Variants in NDRG3 observed in about 807,000 individuals in gnomAD.
NDRG3 encodes protein NDRG3.
In NDRG3, 23 loss-of-function variants were observed where a neutral mutation model predicts 57.2. The observed-to-expected ratio is 0.40, with a 90% confidence interval of 0.29 to 0.57. The LOEUF (loss-of-function observed/expected upper bound fraction) is 0.57. Ranked by LOEUF, NDRG3 falls within the 20% of genes least tolerant of loss-of-function variation. The pLI, the probability that NDRG3 is intolerant of heterozygous loss-of-function variation, is 0.42. For synonymous variants in NDRG3, 132 were observed against 162.6 expected (o/e 0.81, Z 1.43); for missense variants, 384 against 457.3 (o/e 0.84, Z 1.46).
chr20:36,653,291 T>TCAGCTAA lies in NDRG3; in HGVS notation c.*222_*228dup, dbSNP rs1447536798. The TCAGCTAA allele has an allele frequency of 1.9e-5, 9 of 471,354 alleles. No individual in the cohort carries two copies. Among genetic ancestry groups the TCAGCTAA allele is most frequent in the African/African-American group, 1.7e-4 (9 of 51,652 alleles). 29.2% of individuals were successfully genotyped at this position (471,354 alleles called of 1,614,324 possible). On this transcript the variant is annotated 3_prime_UTR_variant, in exon 16 of 16. Transcript: ENST00000349004. The surrounding 1 kb of genome is among the most constrained non-coding windows in gnomAD (Gnocchi z 4.2). Reference sequence around the variant, plus strand: ...CAAGAGAGGATATGGAGAGATCTGATCAGCTAAAGATGTTGGAATGTTACA... The same window carrying TCAGCTAA: ...CAAGAGAGGATATGGAGAGATCTGATCAGCTAACAGCTAAAGATGTTGGAATGTTACA...
chr20:36,725,250 T>C (rs573188453), intron 1 of NDRG3, among the ~76,000 whole-genome samples: 2 of 151,656 alleles, frequency 1.3e-5, no homozygotes, highest in Non-Finnish European at 2.9e-5. Context: ...TAAGCTGAGA[T>C]TGCGCCACCG....
chr20:36,727,566 G>A (rs546239950), intron 1 of NDRG3, among the ~76,000 whole-genome samples: 27 of 137,180 alleles, frequency 2.0e-4, no homozygotes, highest in Non-Finnish European at 3.6e-4. Flanking sequence ...TTTTTGAGAC[G>A]GAGTCTCGCT....
intron 9 of NDRG3, among the ~76,000 whole-genome samples, chr20:36,668,252 C>T (rs1236291998): frequency 1.3e-5 from 2 of 152,102 alleles, no homozygotes; most frequent in African/African-American, 4.8e-5. Flanking sequence ...AACAAACAAA[C>T]AAATAAACAG....
At chr20:36,739,718 C>T (rs762016232) in intron 1 of NDRG3, among the ~76,000 whole-genome samples, 43 of 151,638 alleles carry the variant, frequency 2.8e-4, no homozygotes, top group Admixed American at 2.2e-3. Context: ...GTCAGGAGAT[C>T]GAGACCATGG....
rs1484101018 is a variant in NDRG3, at chr20:36,652,885, G to A, written c.*635C>T. 6.6e-6 allele frequency: 1 copy of A among 152,248 alleles called. No individual in the cohort carries two copies. Among genetic ancestry groups the A allele is most frequent in the Non-Finnish European group, 1.5e-5 (1 of 68,040 alleles). The allele number at this position is 152,248 out of a possible 1,614,324, so 9.4% of individuals were successfully genotyped here. The stretch of plus-strand genomic sequence containing the variant: ...TATACAGAAATTCATTTGGACAGAA[G>A]GAGCCTCTCTATGTAACAGGCACCC... On this transcript the variant is annotated 3_prime_UTR_variant, in exon 16 of 16. Coordinates refer to ENST00000349004, the MANE Select transcript of NDRG3 (RefSeq NM_032013.4).
At chr20:36,668,520 C>T (rs1158191033) in intron 9 of NDRG3, 2 of 152,090 alleles carry the variant, frequency 1.3e-5, no homozygotes, top group Non-Finnish European at 2.9e-5. Context: ...CATTAACTTG[C>T]TTACATGTTT....
intron 2 of NDRG3, among the ~76,000 whole-genome samples, chr20:36,715,134 T>C (rs889782891): frequency 6.7e-6 from 1 of 148,482 alleles, no homozygotes; most frequent in African/African-American, 2.5e-5. Context: ...TATAAAGAGG[T>C]TGGATACTTG....
intron 12 of NDRG3, among the ~76,000 whole-genome samples, chr20:36,663,393 T>C (rs1252953192): frequency 1.3e-5 from 2 of 152,242 alleles, no homozygotes; most frequent in Non-Finnish European, 2.9e-5. Context: ...TACTCCATAA[T>C]GTTTTGCTCT....
intron 2 of NDRG3, among the ~76,000 whole-genome samples, chr20:36,711,779 T>C (rs566069589): frequency 4.6e-5 from 7 of 152,344 alleles, no homozygotes; most frequent in Admixed American, 2.0e-4. Flanking sequence ...TAGCACTTGT[T>C]TTCCTGGCTG....
chr20:36,673,835 T>G (rs1315944079), intron 8 of NDRG3, among the ~76,000 whole-genome samples: 1 of 152,098 alleles, frequency 6.6e-6, no homozygotes, highest in African/African-American at 2.4e-5. Context: ...CCGGGCGCAG[T>G]AGCTCACACC....
intron 2 of NDRG3, among the ~76,000 whole-genome samples, chr20:36,715,050 ATATATT>A (rs1422219955): frequency 7.2e-5 from 8 of 110,946 alleles, no homozygotes; most frequent in African/African-American, 2.0e-4. Flanking sequence ...ATATATATAT[ATATATT>A]ATATTTAAGT....
intron 3 of NDRG3, among the ~76,000 whole-genome samples, chr20:36,706,734 C>G (rs1983569395): frequency 1.3e-5 from 2 of 152,124 alleles, no homozygotes; most frequent in South Asian, 4.1e-4. Context: ...AACTCCTGAC[C>G]TCAAGTGATC....
intron 1 of NDRG3, among the ~76,000 whole-genome samples, chr20:36,731,538 T>TG (rs1985282802): frequency 6.6e-6 from 1 of 152,136 alleles, no homozygotes; most frequent in African/African-American, 2.4e-5. Context: ...CCAGGCGCGA[T>TG]GGGTCACACC....
At chr20:36,656,611 C>A in intron 13 of NDRG3, 79 bp from the exon 14 acceptor site, 1 of 1,503,164 alleles carries the variant, frequency 6.7e-7, no homozygotes, top group Non-Finnish European at 9.2e-7. Flanking sequence ...TCCTTTCAAA[C>A]AGAACAAGAT....
intron 8 of NDRG3, 138 bp from the exon 9 acceptor site, chr20:36,671,535 G>A: frequency 1.6e-6 from 1 of 627,108 alleles, no homozygotes; most frequent in Middle Eastern, 4.6e-4. Context: ...AGGTGCGATG[G>A]CTCACGCCTA....
At chr20:36,721,078 A>G (rs986808734) in intron 2 of NDRG3, among the ~76,000 whole-genome samples, 4 of 150,402 alleles carry the variant, frequency 2.7e-5, no homozygotes, top group African/African-American at 9.8e-5. Flanking sequence ...GCCCAGCCCC[A>G]CCCTCATGCT....
At chr20:36,734,291 G>A (rs936032530) in intron 1 of NDRG3, among the ~76,000 whole-genome samples, 67 of 151,898 alleles carry the variant, frequency 4.4e-4, no homozygotes, top group African/African-American at 1.5e-3. Context: ...CAGGTCTTCC[G>A]ATCCCAAATG....
intron 8 of NDRG3, among the ~76,000 whole-genome samples, chr20:36,671,947 T>TA (rs1260557799): frequency 6.6e-6 from 1 of 152,210 alleles, no homozygotes; most frequent in Non-Finnish European, 1.5e-5. Flanking sequence ...AATAGGGGAC[T>TA]GGAAGGACAA....
chr20:36,700,106 T>G (rs1354298610), intron 3 of NDRG3, among the ~76,000 whole-genome samples: 1 of 114,076 alleles, frequency 8.8e-6, no homozygotes, highest in Non-Finnish European at 1.7e-5. Flanking sequence ...AGAGTGACAA[T>G]CAGTCTCAAA....
Sources: allele counts gnomAD v4.1 joint callset (sites outside exome capture counted in the v4.1 genomes callset), GRCh38; gene constraint gnomAD v4.1.1; non-coding constraint Gnocchi (gnomAD v3.1); transcripts MANE v1.5; gene names NCBI Gene and HGNC (gene_info 2026-07-23, HGNC 2026-07-21).